PRORP: variants seen among roughly 807,000 people sequenced by gnomAD.
PRORP encodes the protein protein only RNase P catalytic subunit, also known as mitochondrial ribonuclease P catalytic subunit.
In PRORP, 51 loss-of-function variants were observed where a neutral mutation model predicts 59.4. The ratio of observed to expected loss-of-function variants is 0.86; its 90% confidence interval spans 0.69 to 1.08. PRORP has a LOEUF of 1.08. Ranked by LOEUF, PRORP falls within the 50% of genes least tolerant of loss-of-function variation. The pLI, the probability that PRORP is intolerant of heterozygous loss-of-function variation, is 0.00. For missense variants in PRORP, 646 were observed against 690.3 expected, an observed-to-expected ratio of 0.94 and a Z score of 0.72; for synonymous variants, 231 against 245.6, an observed-to-expected ratio of 0.94 and a Z score of 0.55.
intron 5 of PRORP, among the ~76,000 whole-genome samples, chr14:35,256,869 C>CTTTTTTTTTTTTTTTTTTTTT (rs71121272): frequency 7.3e-6 from 1 of 136,896 alleles, no homozygotes; most frequent in Non-Finnish European, 1.6e-5. Context: ...TGATAAAATC[C>CTTTTTTTTTTTTTTTTTTTTT]TTTTTTTTTT....
intron 5 of PRORP, among the ~76,000 whole-genome samples, chr14:35,231,951 A>G (rs1466229404): frequency 1.3e-5 from 2 of 152,218 alleles, no homozygotes; most frequent in Non-Finnish European, 2.9e-5. Flanking sequence ...AAAGCACAAT[A>G]TATAGTCAGT....
At chr14:35,208,563 C>T (rs552317041) in intron 5 of PRORP, among the ~76,000 whole-genome samples, 11 of 152,296 alleles carry the variant, frequency 7.2e-5, no homozygotes, top group African/African-American at 2.6e-4. Flanking sequence ...GCTATCATTT[C>T]AACATGTAAC....
In PRORP at chr14:35,230,938, AACACACACACACACACAC is replaced by A. The variant is rs60270535; in HGVS notation, c.1276-35764_1276-35747del. On this transcript the variant is annotated intron_variant, in intron 5 of 7. Coordinates refer to ENST00000534898, the MANE Select transcript of PRORP (RefSeq NM_014672.4). ...CAACTGTGTAAAGACAGGAAAAGAGAACACACACACACACACACACACACACACACACACACACACACT... is the reference window on the plus strand; with the variant it reads ...CAACTGTGTAAAGACAGGAAAAGAGAACACACACACACACACACACACACT... Among the ~76,000 whole-genome samples, 523 of 144,566 alleles carry A rather than the reference AACACACACACACACACAC, an allele frequency of 3.6e-3. 1 individual carries two copies. Among genetic ancestry groups the A allele is most frequent in the Admixed American group, 5.5e-3 (79 of 14,256 alleles). The allele number at this position is 144,566 out of a possible 152,430, so 94.8% of individuals were successfully genotyped here.
At position 35,123,077 on chromosome 14, in the gene PRORP, A is replaced by C. The variant is rs1375721708; in HGVS notation, c.-169A>C. 8.7e-6 allele frequency: 6 copies of C among 693,462 alleles called. No homozygotes were observed. The East Asian group carries it at 1.6e-4, about 19-fold the overall frequency. 43.0% of individuals were successfully genotyped at this position (693,462 alleles called of 1,614,324 possible). ...AAAACTCACCTGCCTTCTTGCTTTT[A>C]AGTAGCCCCAAAAGCAGAACCTTGA... On this transcript the variant is annotated 5_prime_UTR_variant, in exon 2 of 8. The change abolishes the stop of an existing upstream ORF in the 5' untranslated region. Coordinates refer to ENST00000534898, the MANE Select transcript of PRORP (RefSeq NM_014672.4).
At chr14:35,172,335 C>T (rs1234262276) in intron 4 of PRORP, among the ~76,000 whole-genome samples, 2 of 151,880 alleles carry the variant, frequency 1.3e-5, no homozygotes, top group Non-Finnish European at 2.9e-5. Flanking sequence ...AGGCAGAATT[C>T]TTGATTATAT....
intron 5 of PRORP, among the ~76,000 whole-genome samples, chr14:35,236,488 C>T (rs1788567713): frequency 6.6e-6 from 1 of 152,198 alleles, no homozygotes; most frequent in African/African-American, 2.4e-5. Context: ...TAGTCTCCAT[C>T]ATTGCATTGA....
At chr14:35,165,480 C>T (rs533116211) in intron 4 of PRORP, among the ~76,000 whole-genome samples, 1 of 152,272 alleles carries the variant, frequency 6.6e-6, no homozygotes, top group South Asian at 2.1e-4. Flanking sequence ...ATATGTAAAG[C>T]ACTTAGAATT....
intron 5 of PRORP, among the ~76,000 whole-genome samples, chr14:35,246,826 GT>G (rs950686688): frequency 1.3e-5 from 2 of 152,036 alleles, no homozygotes; most frequent in African/African-American, 4.8e-5. Context: ...TCTGTCTTTT[GT>G]TTTATTCTTT....
intron 5 of PRORP, 86 bp from the exon 6 acceptor site, chr14:35,266,641 C>T: frequency 7.1e-7 from 1 of 1,414,518 alleles, no homozygotes; most frequent in Non-Finnish European, 9.8e-7. Context: ...AGTGCTTCAC[C>T]ATTGAGGTGG....
At chr14:35,268,744 C>T (rs561889702) in intron 6 of PRORP, among the ~76,000 whole-genome samples, 3 of 152,178 alleles carry the variant, frequency 2.0e-5, no homozygotes, top group Admixed American at 6.5e-5. Context: ...TACAGGCACC[C>T]GCCACCATGC....
At chr14:35,211,179 A>G (rs1425462123) in intron 5 of PRORP, among the ~76,000 whole-genome samples, 1 of 152,152 alleles carries the variant, frequency 6.6e-6, no homozygotes, top group Non-Finnish European at 1.5e-5. Flanking sequence ...CAGGTACCAT[A>G]GTGGAACTGG....
Position 35,181,668 on chromosome 14 carries a change from C to T in PRORP, c.1275+891C>T, listed in dbSNP as rs560959282. 5.3e-5 allele frequency among the ~76,000 whole-genome samples: 8 copies of T among 151,270 alleles called. No individual in the cohort carries two copies. In the South Asian group the frequency reaches 1.7e-3, roughly 32 times the overall value. On this transcript the variant is annotated intron_variant, in intron 5 of 7. Transcript: ENST00000534898. ...GGCATGGTGGCATGTACCTGTAATC[C>T]CAGCTACTCGGGAGGCTGAGGCAGG...
intron 4 of PRORP, among the ~76,000 whole-genome samples, chr14:35,155,706 C>T (rs2047897848): frequency 6.6e-6 from 1 of 151,464 alleles, no homozygotes; most frequent in African/African-American, 2.4e-5. Context: ...TAAAGATTTC[C>T]TCAAGTAAAC....
At chr14:35,262,175 T>TATC (rs1429076223) in intron 5 of PRORP, among the ~76,000 whole-genome samples, 1 of 151,604 alleles carries the variant, frequency 6.6e-6, no homozygotes, top group African/African-American at 2.4e-5. Context: ...TTTATAATTT[T>TATC]ATTATTATTA....
chr14:35,135,826 C>T (rs577544946), intron 4 of PRORP, among the ~76,000 whole-genome samples: 18 of 151,984 alleles, frequency 1.2e-4, no homozygotes, highest in African/African-American at 3.9e-4. Flanking sequence ...GTCGTGGTGG[C>T]GTGCACCTGT....
intron 3 of PRORP, 139 bp from the exon 4 acceptor site, chr14:35,127,340 G>C (rs895542958): frequency 1.7e-5 from 10 of 581,816 alleles, no homozygotes; most frequent in Non-Finnish European, 2.4e-5. Context: ...CAAAAAATTA[G>C]ATGTATGTGA....
intron 4 of PRORP, among the ~76,000 whole-genome samples, chr14:35,131,716 A>T (rs1221464218): frequency 1.3e-5 from 2 of 151,658 alleles, no homozygotes; most frequent in East Asian, 1.9e-4. Context: ...TTTAGTAGAG[A>T]CAGGGTTTCA....
chr14:35,216,443 G>A (rs2049597719), intron 5 of PRORP, among the ~76,000 whole-genome samples: 1 of 151,816 alleles, frequency 6.6e-6, no homozygotes, highest in South Asian at 2.1e-4. Context: ...CAAGTAGCTG[G>A]GACCAGAGGC....
chr14:35,194,560 C>T (rs919216743), intron 5 of PRORP, among the ~76,000 whole-genome samples: 3 of 152,146 alleles, frequency 2.0e-5, no homozygotes, highest in Non-Finnish European at 4.4e-5. Context: ...GGAGGGATAG[C>T]ATTAAGAGAA....
Sources: allele counts gnomAD v4.1 joint callset (sites outside exome capture counted in the v4.1 genomes callset), GRCh38; gene constraint gnomAD v4.1.1; transcripts MANE v1.5; gene names NCBI Gene and HGNC (gene_info 2026-07-23, HGNC 2026-07-21).